The following ARHGEF10 variants were observed in gnomAD, a reference collection of about 807,000 sequenced individuals.
The protein encoded by ARHGEF10 is Rho guanine nucleotide exchange factor (GEF) 10.
In ARHGEF10, 140 loss-of-function variants were observed where a neutral mutation model predicts 147.4. The ratio of observed to expected loss-of-function variants is 0.95; its 90% CI spans 0.83 to 1.09. ARHGEF10 has a LOEUF of 1.09. Among genes scored for constraint, ARHGEF10 ranks in the 50% least tolerant of loss-of-function variants. The probability of loss-of-function intolerance (pLI) is 0.00; values close to 1 mark genes in which losing one functional copy is unlikely to be tolerated. For missense variants in ARHGEF10, 2,222 were observed against 1,752.7 expected, an observed-to-expected ratio of 1.27 and a Z score of -4.78; for synonymous variants, 902 against 695.8, an observed-to-expected ratio of 1.30 and a Z score of -4.67.
intron 14 of ARHGEF10, among the ~76,000 whole-genome samples, chr8:1,898,186 C>T (rs575278080): frequency 2.0e-5 from 3 of 152,298 alleles, no homozygotes; most frequent in Non-Finnish European, 4.4e-5. Flanking sequence ...GTCCCCTGGC[C>T]CGGGGAATTC....
At chr8:1,956,185 G>A (rs987572577) in intron 28 of ARHGEF10, among the ~76,000 whole-genome samples, 9 of 152,188 alleles carry the variant, frequency 5.9e-5, no homozygotes, top group African/African-American at 1.9e-4. Context: ...AAGACCTGCA[G>A]GTGTTTCTGA....
chr8:1,845,594 C>T (rs1210071879), intron 2 of ARHGEF10, among the ~76,000 whole-genome samples: 1 of 152,218 alleles, frequency 6.6e-6, no homozygotes, highest in Non-Finnish European at 1.5e-5. Flanking sequence ...CTGCCTTTCA[C>T]CCTGTTTTGC....
intron 1 of ARHGEF10, among the ~76,000 whole-genome samples, chr8:1,836,929 C>G (rs1283153021): frequency 6.6e-6 from 1 of 152,190 alleles, no homozygotes; most frequent in East Asian, 1.9e-4. Context: ...TTGCCGCCGC[C>G]ACGTAAGAAG....
rs1486021272 is a variant in ARHGEF10, at chr8:1,919,896, A to G, written c.2144-3068A>G. Among the ~76,000 whole-genome samples, 240 of 78,552 alleles carry G rather than the reference A, an allele frequency of 3.1e-3. 6 individuals are homozygous for G. The highest frequency in any genetic ancestry group is 1.6e-3 in the South Asian group (3 of 1,876). The allele number at this position is 78,552 out of a possible 152,430, so 51.5% of individuals were successfully genotyped here. A position where few individuals can be genotyped will look rare whatever the true frequency, so the allele number is the denominator to read the frequency against. ...TCTGTGGGTGATGAGCTGTTCTGTC[A>G]GTGATGGAGCTGTTCTGTGGATGAT... On this transcript the variant is annotated intron_variant, in intron 18 of 28. Coordinates refer to ENST00000349830, the MANE Select transcript of ARHGEF10 (RefSeq NM_014629.4).
intron 5 of ARHGEF10, among the ~76,000 whole-genome samples, chr8:1,865,555 G>A (rs561546018): frequency 6.6e-6 from 1 of 151,474 alleles, no homozygotes; most frequent in Admixed American, 6.6e-5. Context: ...CCGGCACCCA[G>A]GGGGCCGTCA....
At chr8:1,955,315 G>T (rs1815438560) in intron 28 of ARHGEF10, among the ~76,000 whole-genome samples, 1 of 146,596 alleles carries the variant, frequency 6.8e-6, no homozygotes, top group Admixed American at 6.8e-5. Context: ...GGGTAGCTAG[G>T]TGCTCCCTAA....
chr8:1,918,359 C>T (rs1811914780), intron 18 of ARHGEF10, among the ~76,000 whole-genome samples: 1 of 151,930 alleles, frequency 6.6e-6, no homozygotes, highest in Non-Finnish European at 1.5e-5. Context: ...TTTCCATGGT[C>T]CGTAAGGTCG....
At chr8:1,917,676 G>A (rs533637018) in intron 18 of ARHGEF10, among the ~76,000 whole-genome samples, 1 of 152,312 alleles carries the variant, frequency 6.6e-6, no homozygotes, top group South Asian at 2.1e-4. Context: ...AAAGAACTTC[G>A]CTCACAGAAC....
chr8:1,859,903 A>G lies in ARHGEF10; in HGVS notation c.200A>G (p.Glu67Gly), dbSNP rs763518884. The G allele has an allele frequency of 3.3e-5, 53 of 1,613,968 alleles. No individual in the cohort carries two copies. The highest frequency in any genetic ancestry group is 4.3e-5 in the Non-Finnish European group (51 of 1,180,012). The change falls in exon 4 of 29, where the codon GAG becomes GGG. Residue 67 changes from glutamate (E) to glycine (G), a missense_variant. Glu to Gly is a moderately conservative substitution (Grantham distance 98). Transcript: ENST00000349830. ...GTCCTTTCTGCATCCCCAGGAGGTG[A>G]GGATGGAGCTGGAGCAGAAACCACC... is the stretch of plus-strand genomic sequence containing the variant. ...ASEAPAPTGGEDGAGAETTPV... is the reference protein window; with the variant it reads ...ASEAPAPTGGGDGAGAETTPV...
Position 1,948,894 on chromosome 8 carries a change from T to A in ARHGEF10, c.3397+3239T>A, listed in dbSNP as rs1585652783. 6.6e-6 allele frequency among the ~76,000 whole-genome samples: 1 copy of A among 152,304 alleles called. No homozygotes were observed. The highest frequency in any genetic ancestry group is 2.4e-5 in the African/African-American group (1 of 41,552). On this transcript the variant is annotated intron_variant, in intron 27 of 28. Coordinates refer to ENST00000349830, the MANE Select transcript of ARHGEF10 (RefSeq NM_014629.4). The surrounding 1 kb of genome is among the most constrained non-coding windows in gnomAD (Gnocchi z 4.9). ...CGCCGGGCCGTCACTGCTCCTGGGTTCTTCTCCTCCTTATCGTCCAAGATG... is the reference window on the plus strand; with the variant it reads ...CGCCGGGCCGTCACTGCTCCTGGGTACTTCTCCTCCTTATCGTCCAAGATG...
At chr8:1,947,406 C>A (rs1814680457) in intron 27 of ARHGEF10, among the ~76,000 whole-genome samples, 1 of 152,206 alleles carries the variant, frequency 6.6e-6, no homozygotes, top group African/African-American at 2.4e-5. Flanking sequence ...CCTGCAGGAT[C>A]CTTGGTGTTT....
chr8:1,875,955 G>T (rs1235667117), intron 7 of ARHGEF10: 1 of 154,280 alleles, frequency 6.5e-6, no homozygotes, highest in Non-Finnish European at 1.4e-5. Flanking sequence ...ATTTATGCTT[G>T]TGTGACTGAT....
intron 23 of ARHGEF10, 122 bp downstream of exon 23, chr8:1,926,585 G>A: frequency 1.1e-6 from 1 of 887,114 alleles, no homozygotes; most frequent in Non-Finnish European, 1.9e-6. Context: ...ATCCCAGAGT[G>A]TACTTAGAAA....
intron 15 of ARHGEF10, among the ~76,000 whole-genome samples, chr8:1,900,687 G>A (rs1489167680): frequency 1.3e-5 from 2 of 152,188 alleles, no homozygotes; most frequent in Non-Finnish European, 2.9e-5. Flanking sequence ...TAAGTTCTCT[G>A]AGGAAGGACA....
chr8:1,855,866 T>C (rs1157855274), intron 2 of ARHGEF10, among the ~76,000 whole-genome samples: 1 of 152,196 alleles, frequency 6.6e-6, no homozygotes, highest in East Asian at 1.9e-4. Context: ...ACTTTTTACT[T>C]TAAAAGGTAT....
intron 26 of ARHGEF10, among the ~76,000 whole-genome samples, chr8:1,939,314 A>C (rs1451309767): frequency 6.6e-6 from 1 of 152,254 alleles, no homozygotes; most frequent in Non-Finnish European, 1.5e-5. Flanking sequence ...CCTCCAGAAG[A>C]AACATAGCAA....
At chr8:1,893,492 C>A in intron 11 of ARHGEF10, 77 bp from the exon 12 acceptor site, 3 of 962,978 alleles carry the variant, frequency 3.1e-6, no homozygotes. Context: ...TATCAGCAAG[C>A]CTCAGCATAG....
chr8:1,947,258 G>C (rs561403593), intron 27 of ARHGEF10, among the ~76,000 whole-genome samples: 1 of 152,132 alleles, frequency 6.6e-6, no homozygotes, highest in African/African-American at 2.4e-5. Flanking sequence ...CTCTCCACTC[G>C]ACCTCCCGTG....
rs370914197 is a variant in ARHGEF10, at chr8:1,833,616, C to G, written c.-48+9503C>G. On this transcript the variant is annotated intron_variant, in intron 1 of 28. Transcript: ENST00000349830. ...ACCCCCAGGATGCTCACCATGCTCT[C>G]TGGTCTCTTCCCAGCCCTGGGTCAG... is the stretch of plus-strand genomic sequence containing the variant. 1.8e-3 allele frequency among the ~76,000 whole-genome samples: 268 copies of G among 152,350 alleles called. 9 individuals are homozygous for G. In the South Asian group the frequency reaches 0.053, roughly 30 times the overall value.
Sources: gnomAD v4.1 joint callset for allele counts (sites outside exome capture counted in the v4.1 genomes callset) on GRCh38, gnomAD v4.1.1 for gene constraint, Gnocchi (gnomAD v3.1) non-coding constraint, MANE v1.5 for transcripts, NCBI Gene and HGNC (gene_info 2026-07-23, HGNC 2026-07-21) for gene names.